PRDM7: variants seen among roughly 807,000 people sequenced by gnomAD.
PRDM7 encodes histone-lysine N-methyltransferase PRDM7.
PRDM7 carries 52 observed loss-of-function variants against 64.3 expected under a neutral mutation model. That is an observed-to-expected ratio of 0.81 (90% CI 0.65 to 1.02). The LOEUF (loss-of-function observed/expected upper bound fraction) is 1.02, where lower values mean the gene tolerates loss of function less well. PRDM7 is among the 50% of genes least tolerant of loss of function. The pLI is 0.00. For synonymous variants in PRDM7, 192 were observed against 210.1 expected, an observed-to-expected ratio of 0.91 and a Z score of 0.74; for missense variants, 574 against 597.1, an observed-to-expected ratio of 0.96 and a Z score of 0.40.
Position 90,075,403 on chromosome 16 carries a change from C to A in PRDM7, c.141G>T (p.Glu47Asp). ...KEEWAEMGDW[E>D]KTRYRNVKMN... ...TTTTCACATTCCTATAGCGAGTTTT[C>A]TCCCAGTCTCCCATTTCTGCCCATT... Residue 47 changes from glutamate (E) to aspartate (D), a missense_variant, in exon 3 of 11, where the codon GAG becomes GAT. Glu to Asp is a conservative substitution (Grantham distance 45, BLOSUM62 2). Coordinates refer to ENST00000449207, the MANE Select transcript of PRDM7 (RefSeq NM_001098173.2). The surrounding 1 kb of genome is among the most constrained non-coding windows in gnomAD (Gnocchi z 4.3). 1 of 1,614,216 alleles carries A rather than the reference C, an allele frequency of 6.2e-7. No individual in the cohort carries two copies. The highest frequency in any genetic ancestry group is 8.5e-7 in the Non-Finnish European group (1 of 1,180,042).
intron 9 of PRDM7, 63 bp downstream of exon 9, chr16:90,061,389 A>C (rs2037773752): frequency 1.3e-6 from 2 of 1,500,938 alleles, no homozygotes; most frequent in African/African-American, 2.8e-5. Flanking sequence ...ATGAGAAGGA[A>C]GGAAGTCCGG....
intron 7 of PRDM7, 86 bp downstream of exon 7, chr16:90,062,315 A>G (rs1597684252): frequency 1.9e-6 from 3 of 1,613,582 alleles, no homozygotes; most frequent in East Asian, 4.5e-5. Flanking sequence ...TCATTCGAGT[A>G]AGGGAATGAT....
In PRDM7 at chr16:90,060,378, C is replaced by A. The variant is rs1264096870; in HGVS notation, c.1196G>T (p.Gly399Val). The change falls in exon 10 of 11, where the codon GGG (glycine) becomes GTG (valine). Residue 399 changes from glycine to valine, a missense_variant. Gly to Val is a moderately radical substitution (Grantham distance 109, BLOSUM62 -3). Coordinates refer to ENST00000449207, the MANE Select transcript of PRDM7 (RefSeq NM_001098173.2). ...TGAGCTCTTTCTTCCACTTGCTGCC[C>A]CACTTGATGCCCAGTTCCTGGCCAT... Reference protein sequence around the residue: ...MSMARNWASSGAASGRKSSWQ... With the variant: ...MSMARNWASSVAASGRKSSWQ... The A allele has an allele frequency of 6.2e-7, 1 of 1,613,950 alleles. No homozygotes were observed. Among genetic ancestry groups the A allele is most frequent in the Non-Finnish European group, 8.5e-7 (1 of 1,179,878 alleles).
chr16:90,062,159 C>G lies in PRDM7; in HGVS notation c.644G>C (p.Ser215Thr). ...TGTAGGGGGCCCATGAGCAGCACAG[C>G]TGTCAATGAAGAAGTTCTGACACAT... is the stretch of plus-strand genomic sequence containing the variant. ...CEMCQNFFID[S>T]CAAHGPPTFV... The change falls in exon 8 of 11, where the codon AGC becomes ACC. Residue 215 changes from serine to threonine, a missense_variant. Ser to Thr is a moderately conservative substitution (Grantham distance 58). Transcript: ENST00000449207. 3 of 1,614,254 alleles carry G rather than the reference C, an allele frequency of 1.9e-6. No individual in the cohort carries two copies. Among genetic ancestry groups the G allele is most frequent in the Non-Finnish European group, 2.5e-6 (3 of 1,180,048 alleles).
At chr16:90,072,230 CAA>C (rs199642434) in intron 4 of PRDM7, among the ~76,000 whole-genome samples, 23 of 106,948 alleles carry the variant, frequency 2.2e-4, no homozygotes, top group East Asian at 2.2e-4. Flanking sequence ...GACTCCATCT[CAA>C]AAAAAAAAAA....
rs187382825 is a variant in PRDM7, at chr16:90,068,848, C to T, written c.302-1938G>A. Among the ~76,000 whole-genome samples the T allele has an allele frequency of 2.9e-4, 44 of 150,954 alleles. 2 individuals carry two copies. In the Middle Eastern group the frequency reaches 0.01, roughly 35 times the overall value. ...AACACTGAAAACTACAAAACAGTGC[C>T]GACAGAAATTTAAGGAGACACAAAT... is the stretch of plus-strand genomic sequence containing the variant. On this transcript the variant is annotated intron_variant, in intron 4 of 10. Transcript: ENST00000449207.
rs59403499 is a variant in PRDM7 at position 90,067,288 on chromosome 16, A to G, written c.302-378T>C. On this transcript the variant is annotated intron_variant, in intron 4 of 10. Transcript: ENST00000449207. Reference sequence around the variant, plus strand: ...GCCTAACTCTGGAGTTTCTCATTAGAGACAGAGAATTCTGAATCAGAGAGT... The same window carrying G: ...GCCTAACTCTGGAGTTTCTCATTAGGGACAGAGAATTCTGAATCAGAGAGT... Among the ~76,000 whole-genome samples, 681 of 151,178 alleles carry G rather than the reference A, an allele frequency of 4.5e-3. 47 individuals are homozygous for G. The highest frequency in any genetic ancestry group is 0.016 in the African/African-American group (656 of 40,684).
intron 6 of PRDM7, among the ~76,000 whole-genome samples, chr16:90,062,749 TG>T (rs1347214657): frequency 1.3e-5 from 2 of 152,216 alleles, no homozygotes; most frequent in African/African-American, 4.8e-5. Flanking sequence ...GCTTACAAAA[TG>T]GTTCATTCAT....
chr16:90,072,278 C>A (rs953851995), intron 4 of PRDM7, among the ~76,000 whole-genome samples: 16 of 151,692 alleles, frequency 1.1e-4, no homozygotes, highest in African/African-American at 3.9e-4. Flanking sequence ...GATATTTGCA[C>A]ACTGATAGTT....
chr16:90,068,200 A>G (rs1014417626), intron 4 of PRDM7, among the ~76,000 whole-genome samples: 3 of 150,738 alleles, frequency 2.0e-5, no homozygotes, highest in Admixed American at 1.3e-4. Flanking sequence ...AATCACTTGA[A>G]TCTGGGAGGC....
Position 90,075,544 on chromosome 16 carries a change from G to A in PRDM7, c.70-70C>T. ...CGAGCTGGTCCTTTTCCTCTACCCT[G>A]CGTGTAGGGCATAGCCTGGGGCCTC... On this transcript the variant is annotated intron_variant, in intron 2 of 10. Coordinates refer to ENST00000449207, the MANE Select transcript of PRDM7 (RefSeq NM_001098173.2). The surrounding 1 kb of genome is among the most constrained non-coding windows in gnomAD (Gnocchi z 4.3). 1.2e-6 allele frequency: 2 copies of A among 1,610,836 alleles called. No homozygotes were observed. Among genetic ancestry groups the A allele is most frequent in the Non-Finnish European group, 1.7e-6 (2 of 1,177,284 alleles).
intron 8 of PRDM7, 142 bp downstream of exon 8, chr16:90,061,779 A>G: frequency 7.3e-7 from 1 of 1,371,250 alleles, no homozygotes; most frequent in Non-Finnish European, 1.0e-6. Flanking sequence ...TAGGAGTTCC[A>G]TGTTCATGCA....
rs186763044 is a variant in PRDM7, at chr16:90,075,124, C to G, written c.194-101G>C. ...CACCACAAAGCCAGTGCTGCTCAGT[C>G]TGATGAGCTGGGAGAGTCTTGAACA... On this transcript the variant is annotated intron_variant, in intron 3 of 10. Coordinates refer to ENST00000449207, the MANE Select transcript of PRDM7 (RefSeq NM_001098173.2). The surrounding 1 kb of genome is among the most constrained non-coding windows in gnomAD (Gnocchi z 4.3). 5.7e-4 allele frequency: 779 copies of G among 1,377,280 alleles called. 18 individuals carry two copies. The Admixed American group carries it at 0.014, about 25-fold the overall frequency. 85.3% of individuals were successfully genotyped at this position (1,377,280 alleles called of 1,614,324 possible). A position where few individuals can be genotyped will look rare whatever the true frequency, so the allele number is the denominator to read the frequency against.
chr16:90,072,338 T>C (rs1482426626), intron 4 of PRDM7, among the ~76,000 whole-genome samples: 2 of 152,076 alleles, frequency 1.3e-5, no homozygotes, highest in Admixed American at 6.5e-5. Flanking sequence ...CTAACATCCA[T>C]TGACAAATGA....
rs3809643 is a variant in PRDM7, at chr16:90,057,865, G to T, written c.*424C>A. The stretch of plus-strand genomic sequence containing the variant: ...ACTCATCCTTCCTGCAGACTGGGGC[G>T]TCTCCCCTGTGTGTCCTCTGGTGAA... On this transcript the variant is annotated 3_prime_UTR_variant, in exon 11 of 11. Coordinates refer to ENST00000449207, the MANE Select transcript of PRDM7 (RefSeq NM_001098173.2). 1,194,634 of 1,527,516 alleles carry T rather than the reference G, an allele frequency of 0.78. 474,880 individuals carry two copies. Among genetic ancestry groups the T allele is most frequent in the Middle Eastern group, 0.83 (4,662 of 5,616 alleles). 94.6% of individuals were successfully genotyped at this position (1,527,516 alleles called of 1,614,324 possible).
At chr16:90,060,124 T>C (rs1050600312) in intron 10 of PRDM7, among the ~76,000 whole-genome samples, 9 of 152,228 alleles carry the variant, frequency 5.9e-5, no homozygotes, top group African/African-American at 2.2e-4. Flanking sequence ...GTGCATGAAG[T>C]ACTTTGAATA....
rs139418418 is a variant in PRDM7 at position 90,059,723 on chromosome 16, C to G, written c.1233+618G>C. On this transcript the variant is annotated intron_variant, in intron 10 of 10. Coordinates refer to ENST00000449207, the MANE Select transcript of PRDM7 (RefSeq NM_001098173.2). ...TGACCCCCAGGTCTCACACTGACCT[C>G]AGCTCTCACACCGATCCCAGGTCTC... Among the ~76,000 whole-genome samples, 261 of 152,336 alleles carry G rather than the reference C, an allele frequency of 1.7e-3. 2 individuals are homozygous for G. Among genetic ancestry groups the G allele is most frequent in the African/African-American group, 6.1e-3 (254 of 41,562 alleles).
chr16:90,075,960 G>C lies in PRDM7; in HGVS notation c.-50C>G. 1 of 1,588,538 alleles carries C rather than the reference G, an allele frequency of 6.3e-7. No homozygotes were observed. ...CTGCTCCAATTCTGAGTGTGGGAAG[G>C]GCCCCTGAGTCTCCCAGCTCCTAGG... On this transcript the variant is annotated 5_prime_UTR_variant, in exon 2 of 11. Transcript: ENST00000449207. This position sits in a 1 kb window ranked among gnomAD's most constrained non-coding sequence, Gnocchi z 4.3.
At position 90,058,012 on chromosome 16, in the gene PRDM7, T is replaced by C; in HGVS notation, c.*277A>G. On this transcript the variant is annotated 3_prime_UTR_variant, in exon 11 of 11. Transcript: ENST00000449207. Reference sequence around the variant, plus strand: ...ACTTCCGGCTAAAGCCCTCCCACACTCTCTGCAGACGTAGGGCTTCCCCCC... The same window carrying C: ...ACTTCCGGCTAAAGCCCTCCCACACCCTCTGCAGACGTAGGGCTTCCCCCC... The C allele has an allele frequency of 6.2e-7, 1 of 1,608,476 alleles. No homozygotes were observed. Among genetic ancestry groups the C allele is most frequent in the East Asian group, 2.2e-5 (1 of 44,660 alleles).
Sources: allele counts gnomAD v4.1 joint callset (sites outside exome capture counted in the v4.1 genomes callset), GRCh38; gene constraint gnomAD v4.1.1; non-coding constraint Gnocchi (gnomAD v3.1); transcripts MANE v1.5; gene names NCBI Gene and HGNC (gene_info 2026-07-23, HGNC 2026-07-21).